AHCYL2: variants seen among roughly 807,000 people sequenced by gnomAD.
The protein encoded by AHCYL2 is adenosylhomocysteinase like 2, also known as S-adenosylhomocysteine hydrolase-like protein 2.
Under a neutral mutation model 81.4 loss-of-function variants are expected in AHCYL2, and 28 were observed. The observed-to-expected ratio is 0.34, with a 90% CI of 0.25 to 0.47. The LOEUF is 0.47. AHCYL2 is among the 20% of genes least tolerant of loss of function. The pLI is 1.00. For synonymous variants in AHCYL2, 272 were observed against 290.2 expected, an observed-to-expected ratio of 0.94 and a Z score of 0.64; for missense variants, 551 against 785.1, an observed-to-expected ratio of 0.70 and a Z score of 3.56.
chr7:129,329,819 T>C (rs1177286915), intron 1 of AHCYL2, among the ~76,000 whole-genome samples: 1 of 152,174 alleles, frequency 6.6e-6, no homozygotes, highest in African/African-American at 2.4e-5. Context: ...TGTACCATCT[T>C]GGAAGATGGG....
chr7:129,262,613 T>C (rs1795681746), intron 1 of AHCYL2, among the ~76,000 whole-genome samples: 3 of 152,208 alleles, frequency 2.0e-5, no homozygotes, highest in Admixed American at 2.0e-4. Context: ...TGGTTTATAT[T>C]AGCAGTGGAG....
intron 1 of AHCYL2, among the ~76,000 whole-genome samples, chr7:129,293,912 G>A (rs538392264): frequency 6.6e-6 from 1 of 152,190 alleles, no homozygotes; most frequent in Non-Finnish European, 1.5e-5. Context: ...TTTAGAGATT[G>A]TTAATTCACT....
At chr7:129,395,138 G>A (rs1424483248) in intron 4 of AHCYL2, among the ~76,000 whole-genome samples, 1 of 152,110 alleles carries the variant, frequency 6.6e-6, no homozygotes, top group East Asian at 1.9e-4. Flanking sequence ...CTCCAGCAGT[G>A]GACTGCTATA....
chr7:129,296,441 G>C (rs1179166232), intron 1 of AHCYL2, among the ~76,000 whole-genome samples: 2 of 152,168 alleles, frequency 1.3e-5, no homozygotes, highest in Non-Finnish European at 2.9e-5. Flanking sequence ...AGGTATGGTG[G>C]CTCACGCCTA....
chr7:129,394,012 T>C (rs1449148177), intron 4 of AHCYL2, among the ~76,000 whole-genome samples: 1 of 152,152 alleles, frequency 6.6e-6, no homozygotes. Context: ...TTTGTTGTTG[T>C]TTTGTTTTGT....
chr7:129,228,399 A>G (rs911570979), intron 1 of AHCYL2, among the ~76,000 whole-genome samples: 1 of 152,218 alleles, frequency 6.6e-6, no homozygotes, highest in African/African-American at 2.4e-5. Flanking sequence ...TTACTCAATC[A>G]CATCTTATCT....
chr7:129,391,352 G>A (rs1471332556), intron 4 of AHCYL2, among the ~76,000 whole-genome samples: 1 of 152,174 alleles, frequency 6.6e-6, no homozygotes, highest in Non-Finnish European at 1.5e-5. Context: ...TTTGTAAAGT[G>A]GAATTAGGTT....
chr7:129,326,438 A>T (rs1473188390), intron 1 of AHCYL2, among the ~76,000 whole-genome samples: 1 of 152,056 alleles, frequency 6.6e-6, no homozygotes, highest in Non-Finnish European at 1.5e-5. Context: ...GAGGCAGAAG[A>T]ATCGCTTGAA....
chr7:129,277,056 A>G (rs1038370403), intron 1 of AHCYL2, among the ~76,000 whole-genome samples: 1 of 152,178 alleles, frequency 6.6e-6, no homozygotes, highest in African/African-American at 2.4e-5. Context: ...GAAGAGACCT[A>G]TAATCATTAA....
At chr7:129,350,347 A>C (rs1160922339) in intron 1 of AHCYL2, among the ~76,000 whole-genome samples, 2 of 151,940 alleles carry the variant, frequency 1.3e-5, no homozygotes, top group Admixed American at 1.3e-4. Flanking sequence ...AAAGCAACAT[A>C]GTATTTGGAA....
chr7:129,402,704 CT>C (rs1191404337), intron 6 of AHCYL2, among the ~76,000 whole-genome samples: 1 of 152,170 alleles, frequency 6.6e-6, no homozygotes, highest in African/African-American at 2.4e-5. Context: ...GATAGATGAG[CT>C]GTTCAGAGGC....
In AHCYL2 at chr7:129,409,516, C is replaced by T. The variant is rs1016735319; in HGVS notation, c.1336C>T (p.Arg446Ter). 1.2e-6 allele frequency: 2 copies of T among 1,613,530 alleles called. No individual in the cohort carries two copies. Among genetic ancestry groups the T allele is most frequent in the Non-Finnish European group, 1.7e-6 (2 of 1,179,740 alleles). The change falls in exon 11 of 17, where the codon CGA (arginine) becomes TGA (stop). Residue 446 changes from arginine (R) to a stop codon, truncating the protein, a stop_gained. Transcript: ENST00000325006. LOFTEE classifies it high-confidence loss of function. Reference sequence around the variant, plus strand: ...ACTGGTGAAATTAAATGAGGTCATCCGACAAGTGGACATTGTTATTACCTG... The same window carrying T: ...ACTGGTGAAATTAAATGAGGTCATCTGACAAGTGGACATTGTTATTACCTG... The part of the protein sequence containing the change: ...FRLVKLNEVI[R>*]QVDIVITCTG...
chr7:129,398,304 C>T lies in AHCYL2; in HGVS notation c.823+980C>T, dbSNP rs895233447. 7.5e-4 allele frequency among the ~76,000 whole-genome samples: 114 copies of T among 151,642 alleles called. 2 individuals carry two copies. The highest frequency in any genetic ancestry group is 2.6e-3 in the African/African-American group (107 of 41,430). On this transcript the variant is annotated intron_variant, in intron 5 of 16. Coordinates refer to ENST00000325006, the MANE Select transcript of AHCYL2 (RefSeq NM_015328.4). ...GGGATTACAGGTGTGAGCCACCATG[C>T]CCAGCCCATTTCTTTTTTCTGTTTT...
At chr7:129,298,966 G>A (rs573027323) in intron 1 of AHCYL2, among the ~76,000 whole-genome samples, 1 of 151,942 alleles carries the variant, frequency 6.6e-6, no homozygotes, top group African/African-American at 2.4e-5. Context: ...GTTTTTTGTT[G>A]TAACTACTCA....
chr7:129,280,700 T>C (rs896666102), intron 1 of AHCYL2, among the ~76,000 whole-genome samples: 2 of 152,034 alleles, frequency 1.3e-5, no homozygotes, highest in African/African-American at 4.8e-5. Flanking sequence ...GCTGTTGTTT[T>C]TTTTTTAGAT....
chr7:129,331,868 AAT>A (rs564146068), intron 1 of AHCYL2, among the ~76,000 whole-genome samples: 13 of 150,218 alleles, frequency 8.7e-5, no homozygotes, highest in East Asian at 3.9e-4. Context: ...TTAATTAAAA[AAT>A]ATATATATAT....
chr7:129,252,962 G>T (rs1186446382), intron 1 of AHCYL2, among the ~76,000 whole-genome samples: 1 of 151,974 alleles, frequency 6.6e-6, no homozygotes, highest in Non-Finnish European at 1.5e-5. Context: ...TAATCCCAGC[G>T]CTTTGGGAGG....
At chr7:129,331,019 T>G (rs1294428143) in intron 1 of AHCYL2, among the ~76,000 whole-genome samples, 1 of 152,228 alleles carries the variant, frequency 6.6e-6, no homozygotes, top group African/African-American at 2.4e-5. Context: ...AAACCCATTA[T>G]TCACAAGACC....
intron 1 of AHCYL2, among the ~76,000 whole-genome samples, chr7:129,315,782 G>A (rs527312306): frequency 6.6e-6 from 1 of 152,142 alleles, no homozygotes; most frequent in South Asian, 2.1e-4. Context: ...AGGTTTGAGT[G>A]TAGGTTTAAC....
Sources: allele counts gnomAD v4.1 joint callset (sites outside exome capture counted in the v4.1 genomes callset), GRCh38; gene constraint gnomAD v4.1.1; transcripts MANE v1.5; gene names NCBI Gene and HGNC (gene_info 2026-07-23, HGNC 2026-07-21).